SCN8A: variants seen among roughly 807,000 people sequenced by gnomAD.
SCN8A encodes the protein sodium voltage-gated channel alpha subunit 8, also known as sodium channel protein type 8 subunit alpha.
A neutral mutation model predicts 184.1 loss-of-function variants in SCN8A; 30 were observed. The ratio of observed to expected loss-of-function variants is 0.16; its 90% CI spans 0.12 to 0.22. SCN8A has a LOEUF of 0.22. Ranked by LOEUF, SCN8A falls within the 10% of genes least tolerant of loss-of-function variation. SCN8A has a pLI of 1.00. For missense variants in SCN8A, 1,057 were observed against 2,498.9 expected, an observed-to-expected ratio of 0.42 and a Z score of 12.30; for synonymous variants, 852 against 907.0, an observed-to-expected ratio of 0.94 and a Z score of 1.09.
intron 22 of SCN8A, 63 bp from the exon 23 acceptor site, chr12:51,788,632 C>A: frequency 7.4e-7 from 1 of 1,354,274 alleles, no homozygotes; most frequent in Non-Finnish European, 1.0e-6. Flanking sequence ...CTTTGGGACC[C>A]CTGCCTAGAC....
intron 2 of SCN8A, among the ~76,000 whole-genome samples, chr12:51,671,057 T>C (rs1565881263): frequency 6.6e-6 from 1 of 152,258 alleles, no homozygotes; most frequent in African/African-American, 2.4e-5. Context: ...GTGCTCTAAT[T>C]TGGTACAGAG....
intron 1 of SCN8A, among the ~76,000 whole-genome samples, chr12:51,618,778 C>T (rs1939900088): frequency 6.6e-6 from 1 of 152,080 alleles, no homozygotes; most frequent in Non-Finnish European, 1.5e-5. Context: ...GGTTCTCAAC[C>T]TTGAGAGATC....
chr12:51,747,328 G>T (rs549980826), intron 13 of SCN8A, among the ~76,000 whole-genome samples: 1 of 152,100 alleles, frequency 6.6e-6, no homozygotes, highest in East Asian at 1.9e-4. Flanking sequence ...TACCATCGGG[G>T]TTATTGTCTG....
At chr12:51,761,193 T>C (rs552539814) in intron 14 of SCN8A, among the ~76,000 whole-genome samples, 31 of 152,314 alleles carry the variant, frequency 2.0e-4, no homozygotes, top group African/African-American at 7.0e-4. Context: ...GATTTGACTT[T>C]CATCCTGCAT....
At chr12:51,633,571 A>G (rs1940247667) in intron 1 of SCN8A, among the ~76,000 whole-genome samples, 1 of 152,176 alleles carries the variant, frequency 6.6e-6, no homozygotes, top group Admixed American at 6.5e-5. Flanking sequence ...TTCCTGCTGC[A>G]TGTGGTCTGA....
chr12:51,593,077 C>T (rs567863644), intron 1 of SCN8A, among the ~76,000 whole-genome samples: 15 of 152,252 alleles, frequency 9.9e-5, no homozygotes, highest in African/African-American at 3.6e-4. Flanking sequence ...TAGCACATTA[C>T]ATGTAACCTG....
intron 1 of SCN8A, among the ~76,000 whole-genome samples, chr12:51,606,413 C>A (rs1355714438): frequency 6.6e-6 from 1 of 152,196 alleles, no homozygotes; most frequent in East Asian, 1.9e-4. Flanking sequence ...TTTGAGTTTA[C>A]TTCTGGGTTC....
At chr12:51,779,239 A>G (rs974595553) in intron 20 of SCN8A, among the ~76,000 whole-genome samples, 3 of 144,312 alleles carry the variant, frequency 2.1e-5, no homozygotes, top group African/African-American at 5.0e-5. Flanking sequence ...AAAAAAAAAT[A>G]GAAACCCAGA....
At chr12:51,593,567 G>T (rs1939278886) in intron 1 of SCN8A, among the ~76,000 whole-genome samples, 1 of 152,092 alleles carries the variant, frequency 6.6e-6, no homozygotes, top group Non-Finnish European at 1.5e-5. Flanking sequence ...TTTTCTCCTG[G>T]TCCAGCTTTG....
chr12:51,682,806 T>C (rs1941357761), intron 2 of SCN8A, among the ~76,000 whole-genome samples: 1 of 152,196 alleles, frequency 6.6e-6, no homozygotes, highest in Non-Finnish European at 1.5e-5. Flanking sequence ...AGTAGGCCCT[T>C]GCATCTCTCA....
intron 11 of SCN8A, among the ~76,000 whole-genome samples, chr12:51,721,101 ATATATAATATTTATTTAT>A (rs1942049503): frequency 9.3e-6 from 1 of 107,126 alleles, no homozygotes; most frequent in South Asian, 2.6e-4. Flanking sequence ...ATATATATAT[ATATATAATATTTATTTAT>A]TGTTATATAT....
chr12:51,675,909 G>C (rs1282593895), intron 2 of SCN8A, among the ~76,000 whole-genome samples: 3 of 152,098 alleles, frequency 2.0e-5, no homozygotes, highest in African/African-American at 7.2e-5. Context: ...ATTATATTAA[G>C]TATCTTAGTA....
chr12:51,768,588 G>T (rs2138867495), intron 16 of SCN8A, among the ~76,000 whole-genome samples: 2 of 152,114 alleles, frequency 1.3e-5, no homozygotes, highest in Non-Finnish European at 2.9e-5. Context: ...TGTTTTTTCT[G>T]ATTATAAGAG....
intron 1 of SCN8A, among the ~76,000 whole-genome samples, chr12:51,645,805 A>AC (rs1275872146): frequency 6.7e-6 from 1 of 149,344 alleles, no homozygotes; most frequent in African/African-American, 2.5e-5. Context: ...ACCCAGGGAC[A>AC]CAAACACTGC....
rs1938352470 is a variant in SCN8A at position 51,794,458 on chromosome 12, A to G, written c.4612A>G (p.Thr1538Ala). The G allele has an allele frequency of 1.2e-6, 2 of 1,613,900 alleles. No homozygotes were observed. The highest frequency in any genetic ancestry group is 2.2e-5 in the East Asian group (1 of 44,900). Residue 1538 changes from threonine to alanine, a missense_variant, in exon 26 of 27, where the codon ACA becomes GCA. Physicochemically the swap from Thr to Ala is moderately conservative, Grantham distance 58. Transcript: ENST00000627620. ...IMMLICLNMV[T>A]MMVETDTQSK... ...GATGCTCATCTGCCTTAACATGGTGACAATGATGGTGGAGACAGACACTCA... is the reference window on the plus strand; with the variant it reads ...GATGCTCATCTGCCTTAACATGGTGGCAATGATGGTGGAGACAGACACTCA...
intron 10 of SCN8A, among the ~76,000 whole-genome samples, chr12:51,705,913 T>G (rs1166551336): frequency 6.6e-6 from 1 of 152,182 alleles, no homozygotes; most frequent in Non-Finnish European, 1.5e-5. Flanking sequence ...TATATAGTGT[T>G]TCACATAAGC....
chr12:51,765,678 T>G lies in SCN8A; in HGVS notation c.2552T>G (p.Val851Gly). ...GGTTTTTTTTTTCCTTAGCTCCGAG[T>G]CTTCAAATTGGCCAAATCCTGGCCC... is the stretch of plus-strand genomic sequence containing the variant. ...SVLRSFRLLR[V>G]FKLAKSWPTL... Residue 851 changes from valine to glycine, a missense_variant, in exon 16 of 27, where the codon GTC becomes GGC. Val to Gly is a moderately radical substitution (Grantham distance 109). Coordinates refer to ENST00000627620, the MANE Select transcript of SCN8A (RefSeq NM_001330260.2). 1 of 1,561,094 alleles carries G rather than the reference T, an allele frequency of 6.4e-7. No homozygotes were observed.
intron 11 of SCN8A, chr12:51,712,472 C>T (rs1941894603): frequency 2.6e-6 from 2 of 768,276 alleles, no homozygotes; most frequent in Admixed American, 1.7e-5. Context: ...TTAGAACCTT[C>T]TGCTACTATA....
At chr12:51,644,127 A>G (rs1284941734) in intron 1 of SCN8A, among the ~76,000 whole-genome samples, 1 of 152,216 alleles carries the variant, frequency 6.6e-6, no homozygotes, top group African/African-American at 2.4e-5. Context: ...TGTCAGAGAA[A>G]CCAACTTTGC....
Sources: allele counts gnomAD v4.1 joint callset (sites outside exome capture counted in the v4.1 genomes callset), GRCh38; gene constraint gnomAD v4.1.1; transcripts MANE v1.5; gene names NCBI Gene and HGNC (gene_info 2026-07-23, HGNC 2026-07-21).